The following CYTH3 variants were observed in gnomAD, a reference collection of about 807,000 sequenced individuals.
CYTH3 encodes cytohesin-3.
In CYTH3, 23 loss-of-function variants were observed where a neutral mutation model predicts 55.1. The ratio of observed to expected loss-of-function variants is 0.42; its 90% CI spans 0.30 to 0.59. CYTH3 has a LOEUF of 0.59. CYTH3 is among the 20% of genes least tolerant of loss of function. CYTH3 has a pLI of 0.20. For synonymous variants in CYTH3, 249 were observed against 194.9 expected (o/e 1.28, Z -2.31); for missense variants, 413 against 524.8 (o/e 0.79, Z 2.08).
intron 1 of CYTH3, among the ~76,000 whole-genome samples, chr7:6,225,990 ATTTT>A (rs928835690): frequency 6.6e-6 from 1 of 152,144 alleles, no homozygotes; most frequent in Non-Finnish European, 1.5e-5. Context: ...ACAGCCTGAA[ATTTT>A]TTTAAAAACA....
chr7:6,178,274 C>G (rs1783397445), intron 4 of CYTH3, among the ~76,000 whole-genome samples: 1 of 152,254 alleles, frequency 6.6e-6, no homozygotes, highest in Non-Finnish European at 1.5e-5. Flanking sequence ...ATAGTTTATT[C>G]TGTGTCTGCG....
chr7:6,165,488 A>C, intron 11 of CYTH3, 57 bp downstream of exon 11: 2 of 1,609,828 alleles, frequency 1.2e-6, no homozygotes, highest in South Asian at 2.2e-5. Context: ...CCCTGCAGGC[A>C]GTGAGGATGG....
chr7:6,215,587 C>A (rs528456103), intron 1 of CYTH3, among the ~76,000 whole-genome samples: 2 of 133,218 alleles, frequency 1.5e-5, no homozygotes, highest in East Asian at 4.3e-4. Flanking sequence ...AAGTCTCCAT[C>A]TCAAAAAAAA....
intron 4 of CYTH3, among the ~76,000 whole-genome samples, chr7:6,185,214 G>C (rs949784509): frequency 2.6e-5 from 4 of 152,190 alleles, no homozygotes; most frequent in Non-Finnish European, 4.4e-5. Context: ...AAAGCAACAG[G>C]AAAGTTTTCA....
At chr7:6,243,306 G>A (rs951672311) in intron 1 of CYTH3, among the ~76,000 whole-genome samples, 1 of 152,206 alleles carries the variant, frequency 6.6e-6, no homozygotes. Context: ...AAAGGCAGCC[G>A]ACACCTGTGA....
Position 6,169,550 on chromosome 7 carries a change from T to C in CYTH3, c.823+985A>G, listed in dbSNP as rs1421909658. On this transcript the variant is annotated intron_variant, in intron 9 of 12. Transcript: ENST00000350796. This position sits in a 1 kb window ranked among gnomAD's most constrained non-coding sequence, Gnocchi z 4.1. ...AAAATCACCAGGATGCTCCACTCCA[T>C]GTCTCACGTGCTGCCCAGCGGCCGC... Among the ~76,000 whole-genome samples, 1 of 152,158 alleles carries C rather than the reference T, an allele frequency of 6.6e-6. No homozygotes were observed. Among genetic ancestry groups the C allele is most frequent in the Non-Finnish European group, 1.5e-5 (1 of 68,022 alleles).
intron 1 of CYTH3, among the ~76,000 whole-genome samples, chr7:6,234,159 G>A (rs1432698227): frequency 6.6e-6 from 1 of 152,182 alleles, no homozygotes; most frequent in Non-Finnish European, 1.5e-5. Flanking sequence ...CAACTATCCA[G>A]TAACCTTTAT....
chr7:6,252,272 A>T (rs1779990473), intron 1 of CYTH3, among the ~76,000 whole-genome samples: 1 of 152,190 alleles, frequency 6.6e-6, no homozygotes, highest in Admixed American at 6.5e-5. Flanking sequence ...TATTTTGAAG[A>T]ATCTTTGCCC....
At chr7:6,249,008 C>G (rs1779894245) in intron 1 of CYTH3, among the ~76,000 whole-genome samples, 1 of 152,182 alleles carries the variant, frequency 6.6e-6, no homozygotes, top group African/African-American at 2.4e-5. Context: ...TTCTCTGTTT[C>G]TATAGAAATT....
At chr7:6,177,105 G>C (rs923248397) in intron 5 of CYTH3, among the ~76,000 whole-genome samples, 3 of 152,200 alleles carry the variant, frequency 2.0e-5, no homozygotes, top group Non-Finnish European at 4.4e-5. Flanking sequence ...ATATATTACA[G>C]TCATAAGGAT....
Position 6,170,477 on chromosome 7 carries a change from G to A in CYTH3, c.823+58C>T, listed in dbSNP as rs1583733574. ...TACGATGAGCCTGGGAGGAACCCGAGGGGCTGCTGCCATGGGCAGAGGGGT... is the reference window on the plus strand; with the variant it reads ...TACGATGAGCCTGGGAGGAACCCGAAGGGCTGCTGCCATGGGCAGAGGGGT... On this transcript the variant is annotated intron_variant, in intron 9 of 12. Coordinates refer to ENST00000350796, the MANE Select transcript of CYTH3 (RefSeq NM_004227.4). The surrounding 1 kb of genome is among the most constrained non-coding windows in gnomAD (Gnocchi z 7.8). The A allele has an allele frequency of 1.4e-5, 21 of 1,513,358 alleles. No homozygotes were observed. The East Asian group carries it at 4.7e-4, about 34-fold the overall frequency. 93.7% of individuals were successfully genotyped at this position (1,513,358 alleles called of 1,614,324 possible).
In CYTH3 at chr7:6,261,310, G is replaced by A. The variant is rs139680250; in HGVS notation, c.34+11164C>T. Among the ~76,000 whole-genome samples the A allele has an allele frequency of 1.9e-3, 289 of 152,268 alleles. 1 individual carries two copies. The highest frequency in any genetic ancestry group is 6.3e-3 in the African/African-American group (262 of 41,560). ...AGGGGACAAAAATTAGAGTTCAGGG[G>A]CTGCCAAGTAGAAGAGGCCCTGGGA... On this transcript the variant is annotated intron_variant, in intron 1 of 12. Transcript: ENST00000350796.
chr7:6,271,716 G>A (rs1021861338), intron 1 of CYTH3, among the ~76,000 whole-genome samples: 1 of 152,048 alleles, frequency 6.6e-6, no homozygotes, highest in Admixed American at 6.6e-5. Flanking sequence ...AGACCACCTG[G>A]GCCACGACGC....
intron 1 of CYTH3, among the ~76,000 whole-genome samples, chr7:6,267,609 T>C (rs1780533969): frequency 1.3e-5 from 2 of 152,184 alleles, no homozygotes; most frequent in South Asian, 4.1e-4. Flanking sequence ...TTGCAACCTC[T>C]GCCTCCAGGG....
Position 6,171,175 on chromosome 7 carries a change from G to A in CYTH3, c.562+27C>T, listed in dbSNP as rs370971281. 3.7e-6 allele frequency: 6 copies of A among 1,609,878 alleles called. No individual in the cohort carries two copies. The Admixed American group carries it at 5.0e-5, about 13-fold the overall frequency. ...AGAGCTGGAGGCTGTGCCTGGCAAG[G>A]GGCCAGGCTGTGGGCTCTGCACTGA... On this transcript the variant is annotated intron_variant, in intron 7 of 12. Transcript: ENST00000350796. This position sits in a 1 kb window ranked among gnomAD's most constrained non-coding sequence, Gnocchi z 6.7.
At chr7:6,166,315 C>T (rs1783007680) in intron 9 of CYTH3, among the ~76,000 whole-genome samples, 2 of 152,256 alleles carry the variant, frequency 1.3e-5, no homozygotes, top group Non-Finnish European at 2.9e-5. Flanking sequence ...TGTACCTGCC[C>T]TCCTCTCCCT....
At chr7:6,250,554 T>C (rs762273872) in intron 1 of CYTH3, among the ~76,000 whole-genome samples, 1 of 152,096 alleles carries the variant, frequency 6.6e-6, no homozygotes, top group Admixed American at 6.6e-5. Flanking sequence ...AAATGACTCA[T>C]GCCACAACAT....
At chr7:6,240,747 A>G (rs976022739) in intron 1 of CYTH3, among the ~76,000 whole-genome samples, 1 of 152,200 alleles carries the variant, frequency 6.6e-6, no homozygotes, top group African/African-American at 2.4e-5. Flanking sequence ...GAAAACAGAT[A>G]ACATCGGCAA....
intron 1 of CYTH3, among the ~76,000 whole-genome samples, chr7:6,230,482 G>A (rs1328913394): frequency 6.6e-6 from 1 of 152,162 alleles, no homozygotes; most frequent in East Asian, 1.9e-4. Context: ...TTATCATTCT[G>A]CTTACTCTAT....
Sources: allele counts gnomAD v4.1 joint callset (sites outside exome capture counted in the v4.1 genomes callset), GRCh38; gene constraint gnomAD v4.1.1; non-coding constraint Gnocchi (gnomAD v3.1); transcripts MANE v1.5; gene names NCBI Gene and HGNC (gene_info 2026-07-23, HGNC 2026-07-21).